The following SIKE1 variants were observed in gnomAD, a reference collection of about 807,000 sequenced individuals.
SIKE1 encodes suppressor of IKK epsilon.
Under a neutral mutation model 25.8 loss-of-function variants are expected in SIKE1, and 13 were observed. That is an observed-to-expected ratio of 0.50 (90% confidence interval 0.33 to 0.80). The LOEUF (loss-of-function observed/expected upper bound fraction) is 0.80. SIKE1 is among the 30% of genes least tolerant of loss of function. SIKE1 has a pLI of 0.02. For missense variants in SIKE1, 222 were observed against 252.4 expected, an observed-to-expected ratio of 0.88 and a Z score of 0.82; for synonymous variants, 86 against 95.5, an observed-to-expected ratio of 0.90 and a Z score of 0.58.
intron 2 of SIKE1, 135 bp downstream of exon 2, chr1:114,779,975 T>C (rs1170455900): frequency 3.2e-6 from 2 of 631,380 alleles, no homozygotes; most frequent in East Asian, 2.7e-5. Flanking sequence ...ACAAACTTTA[T>C]TGTTACTGGG....
rs1359980828 is a variant in SIKE1 at position 114,774,215 on chromosome 1, G to C, written c.*56C>G. 2.2e-6 allele frequency: 3 copies of C among 1,367,120 alleles called. No homozygotes were observed. Among genetic ancestry groups the C allele is most frequent in the African/African-American group, 1.4e-5 (1 of 70,220 alleles). The allele number at this position is 1,367,120 out of a possible 1,614,324, so 84.7% of individuals were successfully genotyped here. On this transcript the variant is annotated 3_prime_UTR_variant, in exon 5 of 5. Transcript: ENST00000060969. ...CACTTAATGGACAGTACTTGAATGG[G>C]AAGACAGTAACTTCCTTCCTTGATA... is the stretch of plus-strand genomic sequence containing the variant.
rs1662142770 is a variant in SIKE1, at chr1:114,774,122, A to G, written c.*149T>C. 7.4e-6 allele frequency: 4 copies of G among 538,536 alleles called. No individual in the cohort carries two copies. The highest frequency in any genetic ancestry group is 6.1e-5 in the South Asian group (2 of 32,998). 33.4% of individuals were successfully genotyped at this position (538,536 alleles called of 1,614,324 possible). A position where few individuals can be genotyped will look rare whatever the true frequency, so the allele number is the denominator to read the frequency against. On this transcript the variant is annotated 3_prime_UTR_variant, in exon 5 of 5. Transcript: ENST00000060969. The stretch of plus-strand genomic sequence containing the variant: ...CACATCTGAGAACTGTGGACAGCCA[A>G]TATTGACTGGAATTCTAAATTGCCA...
intron 3 of SIKE1, among the ~76,000 whole-genome samples, chr1:114,777,408 C>G (rs1662276352): frequency 6.6e-6 from 1 of 152,136 alleles, no homozygotes; most frequent in Admixed American, 6.5e-5. Context: ...TGTTTTCGCT[C>G]TTTGCCCAGA....
chr1:114,780,679 C>T lies in SIKE1; in HGVS notation c.-72G>A. On this transcript the variant is annotated 5_prime_UTR_variant, in exon 1 of 5. Coordinates refer to ENST00000060969, the MANE Select transcript of SIKE1 (RefSeq NM_025073.3). ...GCTCAGATCTTCTGGGAGTCTGTCT[C>T]AGCATTACAGGCGTCATTTCCGGGC... 4 of 1,347,648 alleles carry T rather than the reference C, an allele frequency of 3.0e-6. No individual in the cohort carries two copies. Among genetic ancestry groups the T allele is most frequent in the Middle Eastern group, 1.9e-4 (1 of 5,370 alleles). 83.5% of individuals were successfully genotyped at this position (1,347,648 alleles called of 1,614,324 possible). A position where few individuals can be genotyped will look rare whatever the true frequency, so the allele number is the denominator to read the frequency against.
At chr1:114,780,374 G>T in intron 1 of SIKE1, 75 bp downstream of exon 1, 1 of 1,608,906 alleles carries the variant, frequency 6.2e-7, no homozygotes, top group Non-Finnish European at 8.5e-7. Flanking sequence ...TCCAGGCCGA[G>T]TTCCCACTTT....
chr1:114,780,617 AC>A lies in SIKE1; in HGVS notation c.-11del, dbSNP rs750547256. 1.2e-6 allele frequency: 2 copies of A among 1,603,820 alleles called. No homozygotes were observed. Among genetic ancestry groups the A allele is most frequent in the Admixed American group, 3.4e-5 (2 of 59,524 alleles). On this transcript the variant is annotated 5_prime_UTR_variant, in exon 1 of 5. Coordinates refer to ENST00000060969, the MANE Select transcript of SIKE1 (RefSeq NM_025073.3). The stretch of plus-strand genomic sequence containing the variant: ...CGATGGTGCAGCTCATAGCAGCAGC[AC>A]CACCCCAGCCCCTGCCGGGCTCAGC...
intron 4 of SIKE1, 94 bp from the exon 5 acceptor site, chr1:114,774,466 T>C (rs915980226): frequency 1.2e-6 from 1 of 831,796 alleles, no homozygotes; most frequent in Non-Finnish European, 1.8e-6. Context: ...GAAAACATTA[T>C]TTTAATTTTA....
At chr1:114,778,589 G>A (rs1662312588) in intron 3 of SIKE1, among the ~76,000 whole-genome samples, 1 of 152,018 alleles carries the variant, frequency 6.6e-6, no homozygotes, top group Admixed American at 6.6e-5. Flanking sequence ...GGTGAGGGAG[G>A]GGGAACCTTA....
At position 114,772,118 on chromosome 1, in the gene SIKE1, G is replaced by A. The variant is rs1439939103; in HGVS notation, c.*2153C>T. The A allele has an allele frequency of 6.6e-6, 1 of 152,128 alleles. No individual in the cohort carries two copies. The highest frequency in any genetic ancestry group is 1.5e-5 in the Non-Finnish European group (1 of 68,030). The allele number at this position is 152,128 out of a possible 1,614,324, so 9.4% of individuals were successfully genotyped here. A position where few individuals can be genotyped will look rare whatever the true frequency, so the allele number is the denominator to read the frequency against. On this transcript the variant is annotated 3_prime_UTR_variant, in exon 5 of 5. Transcript: ENST00000060969. ...AGTTATACACTGCTGAATATACTGTGCTAATTACAAAGTATTTATGACTCT... is the reference window on the plus strand; with the variant it reads ...AGTTATACACTGCTGAATATACTGTACTAATTACAAAGTATTTATGACTCT...
At position 114,770,409 on chromosome 1, in the gene SIKE1, A is replaced by AG. The variant is rs1189969000; in HGVS notation, c.*3861_*3862insC. On this transcript the variant is annotated 3_prime_UTR_variant, in exon 5 of 5. Transcript: ENST00000060969. ...AAGACTGTCTCAAAAAATAAAAATA[A>AG]AAAAATAGAATTAGAGGTTATCGCT... is the stretch of plus-strand genomic sequence containing the variant. 1.3e-5 allele frequency: 2 copies of AG among 152,068 alleles called. No individual in the cohort carries two copies. The highest frequency in any genetic ancestry group is 4.8e-5 in the African/African-American group (2 of 41,382). The allele number at this position is 152,068 out of a possible 1,614,324, so 9.4% of individuals were successfully genotyped here.
At position 114,776,475 on chromosome 1, in the gene SIKE1, G is replaced by A. The variant is rs758127760; in HGVS notation, c.409-16C>T. The A allele has an allele frequency of 1.3e-6, 2 of 1,537,046 alleles. No individual in the cohort carries two copies. Among genetic ancestry groups the A allele is most frequent in the South Asian group, 2.2e-5 (2 of 89,476 alleles). On this transcript the variant is annotated splice_polypyrimidine_tract_variant and intron_variant, in intron 3 of 4. Coordinates refer to ENST00000060969, the MANE Select transcript of SIKE1 (RefSeq NM_025073.3). ...TCTCAATTTCCTGTGAAGATATTAA[G>A]GAAACAAAGGTGGAAAAATCACCTG... is the stretch of plus-strand genomic sequence containing the variant.
chr1:114,780,520 C>T lies in SIKE1; in HGVS notation c.88G>A (p.Val30Met). The T allele has an allele frequency of 6.2e-7, 1 of 1,613,748 alleles. No homozygotes were observed. Among genetic ancestry groups the T allele is most frequent in the Non-Finnish European group, 8.5e-7 (1 of 1,180,026 alleles). The change falls in exon 1 of 5, where the codon GTG (valine) becomes ATG (methionine). Residue 30 changes from valine (V) to methionine (M), a missense_variant. Transcript: ENST00000060969. ...REHDAAAESL[V>M]DQSAALHRRV... ...CGGTGCAGCGCCGCCGACTGATCCA[C>T]CAGCGACTCGGCGGCCGCATCGTGC...
At position 114,770,311 on chromosome 1, in the gene SIKE1, C is replaced by A. The variant is rs536818273; in HGVS notation, c.*3960G>T. 6.6e-6 allele frequency: 1 copy of A among 152,624 alleles called. No individual in the cohort carries two copies. The highest frequency in any genetic ancestry group is 2.4e-5 in the African/African-American group (1 of 41,552). The allele number at this position is 152,624 out of a possible 1,614,324, so 9.5% of individuals were successfully genotyped here. ...ACTTGGGAGGCTGAGGCAGGAGAAT[C>A]GCTTGAACCCAGGAGGTGGAGGTTG... On this transcript the variant is annotated 3_prime_UTR_variant, in exon 5 of 5. Transcript: ENST00000060969.
chr1:114,774,370 A>G lies in SIKE1; in HGVS notation c.525T>C (p.Leu175=). 1.2e-6 allele frequency: 2 copies of G among 1,602,168 alleles called. No individual in the cohort carries two copies. The highest frequency in any genetic ancestry group is 1.7e-6 in the Non-Finnish European group (2 of 1,171,798). The change falls in exon 5 of 5, where the codon CTT becomes CTC. Residue 175 remains leucine (L), a splice_region_variant and synonymous_variant. Transcript: ENST00000060969. ...ATAATTCTCGAAGTTCCTTATTTTCAAGCTGGAAAAAAAAAGGCATGTTTA... is the reference window on the plus strand; with the variant it reads ...ATAATTCTCGAAGTTCCTTATTTTCGAGCTGGAAAAAAAAAGGCATGTTTA... ...KIQEKLAQLE[L]ENKELRELLS... is the part of the protein sequence containing the mutation.
rs1475255138 is a variant in SIKE1 at position 114,771,554 on chromosome 1, G to C, written c.*2717C>G. On this transcript the variant is annotated 3_prime_UTR_variant, in exon 5 of 5. Coordinates refer to ENST00000060969, the MANE Select transcript of SIKE1 (RefSeq NM_025073.3). ...TATATAATACAGTACCTGACAGGTA[G>C]TAAAGCACTCAATAGATGGTAGCTA... 2.6e-5 allele frequency: 4 copies of C among 152,258 alleles called. No individual in the cohort carries two copies. The highest frequency in any genetic ancestry group is 1.9e-4 in the East Asian group (1 of 5,180). 9.4% of individuals were successfully genotyped at this position (152,258 alleles called of 1,614,324 possible). A position where few individuals can be genotyped will look rare whatever the true frequency, so the allele number is the denominator to read the frequency against.
chr1:114,779,035 C>A, intron 3 of SIKE1, 107 bp downstream of exon 3: 1 of 1,371,678 alleles, frequency 7.3e-7, no homozygotes, highest in South Asian at 1.3e-5. Context: ...ACGGCCTGGT[C>A]GACAAGAGCC....
rs1274678484 is a variant in SIKE1 at position 114,771,207 on chromosome 1, C to T, written c.*3064G>A. ...TATATAGTAAGAGTCACTGATTAAACATTATTCCTTTCAGTTGAATCACAC... is the reference window on the plus strand; with the variant it reads ...TATATAGTAAGAGTCACTGATTAAATATTATTCCTTTCAGTTGAATCACAC... On this transcript the variant is annotated 3_prime_UTR_variant, in exon 5 of 5. Transcript: ENST00000060969. The T allele has an allele frequency of 6.6e-6, 1 of 152,214 alleles. No individual in the cohort carries two copies. Among genetic ancestry groups the T allele is most frequent in the Non-Finnish European group, 1.5e-5 (1 of 68,032 alleles). 9.4% of individuals were successfully genotyped at this position (152,214 alleles called of 1,614,324 possible).
At chr1:114,779,011 CG>C in intron 3 of SIKE1, 130 bp downstream of exon 3, 2 of 1,076,822 alleles carry the variant, frequency 1.9e-6, no homozygotes, top group Non-Finnish European at 2.7e-6. Flanking sequence ...GAGCCGAGAT[CG>C]TGCCATTACA....
chr1:114,780,330 G>A, intron 1 of SIKE1, 115 bp from the exon 2 acceptor site: 1 of 1,591,474 alleles, frequency 6.3e-7, no homozygotes, highest in Non-Finnish European at 8.6e-7. Flanking sequence ...CAGGAAAATG[G>A]TCTCACCGCC....
Sources: allele counts gnomAD v4.1 joint callset (sites outside exome capture counted in the v4.1 genomes callset), GRCh38; gene constraint gnomAD v4.1.1; transcripts MANE v1.5; gene names NCBI Gene and HGNC (gene_info 2026-07-23, HGNC 2026-07-21).